The following PPARGC1A variants were observed in gnomAD, a reference collection of about 807,000 sequenced individuals.
PPARGC1A encodes PPARG coactivator 1 alpha.
Under a neutral mutation model 88.7 loss-of-function variants are expected in PPARGC1A, and 25 were observed. The observed-to-expected ratio is 0.28, with a 90% confidence interval of 0.21 to 0.39. The LOEUF (loss-of-function observed/expected upper bound fraction) is 0.39. PPARGC1A is among the 10% of genes least tolerant of loss of function. The pLI is 1.00. For missense variants in PPARGC1A, 880 were observed against 968.7 expected (o/e 0.91, Z 1.22); for synonymous variants, 363 against 355.6 (o/e 1.02, Z -0.24).
chr4:24,440,045 A>G, the PPARGC1A span, among the ~76,000 whole-genome samples: 1 of 152,234 alleles, frequency 6.6e-6, no homozygotes, highest in African/African-American at 2.4e-5. Flanking sequence ...CCCTATATTA[A>G]GCACAAAAAG....
At chr4:23,939,029 T>C in the PPARGC1A span, among the ~76,000 whole-genome samples, 5 of 152,192 alleles carry the variant, frequency 3.3e-5, no homozygotes, top group Non-Finnish European at 5.9e-5. Context: ...TGGTGATGAC[T>C]GCCCAGCCTG....
the PPARGC1A span, among the ~76,000 whole-genome samples, chr4:23,990,362 G>A: frequency 1.3e-5 from 2 of 151,720 alleles, 1 homozygote; most frequent in Non-Finnish European, 2.9e-5. Flanking sequence ...TGATACTTAT[G>A]TATTAGTGCA....
chr4:24,364,888 T>C, the PPARGC1A span, among the ~76,000 whole-genome samples: 3 of 152,164 alleles, frequency 2.0e-5, no homozygotes, highest in East Asian at 1.9e-4. Flanking sequence ...GGTTGAATTA[T>C]ATCACAGCAT....
chr4:24,329,558 AC>A, the PPARGC1A span, among the ~76,000 whole-genome samples: 3 of 151,778 alleles, frequency 2.0e-5, no homozygotes, highest in Non-Finnish European at 4.4e-5. Flanking sequence ...CTCTCTCTTT[AC>A]CTGGCAATCC....
the PPARGC1A span, among the ~76,000 whole-genome samples, chr4:24,323,882 C>T: frequency 6.6e-6 from 1 of 152,240 alleles, no homozygotes; most frequent in Non-Finnish European, 1.5e-5. Flanking sequence ...CCTCTTTTTA[C>T]TCTCTTCTCC....
At chr4:23,900,132 C>CT (rs1382989619), upstream of PPARGC1A, among the ~76,000 whole-genome samples, 3 of 152,112 alleles carry the variant, frequency 2.0e-5, no homozygotes, top group Non-Finnish European at 2.9e-5. Context: ...TTTGTCTGAC[C>CT]TTGCACAAAG....
intron 12 of PPARGC1A, among the ~76,000 whole-genome samples, chr4:23,800,585 T>C (rs1389619162): frequency 6.6e-6 from 1 of 150,812 alleles, no homozygotes; most frequent in Non-Finnish European, 1.5e-5. Flanking sequence ...AAAAGTAGAA[T>C]TTGGAAGTTT....
chr4:24,188,068 G>A, the PPARGC1A span, among the ~76,000 whole-genome samples: 1 of 152,158 alleles, frequency 6.6e-6, no homozygotes, highest in Admixed American at 6.5e-5. Context: ...TCCTCTATAT[G>A]GACTGTGTGC....
At chr4:24,462,253 A>ATT in the PPARGC1A span, among the ~76,000 whole-genome samples, 780 of 143,352 alleles carry the variant, frequency 5.4e-3, 12 homozygotes, top group Middle Eastern at 0.028. Flanking sequence ...ACCCGGCTAA[A>ATT]TTTTTTTTTT....
At chr4:23,850,630 A>C (rs1016170871) in intron 2 of PPARGC1A, among the ~76,000 whole-genome samples, 4 of 152,200 alleles carry the variant, frequency 2.6e-5, no homozygotes, top group African/African-American at 9.6e-5. Context: ...TCTAGGTTGA[A>C]AATTAAAGAG....
At chr4:24,077,134 C>T in the PPARGC1A span, among the ~76,000 whole-genome samples, 2 of 152,084 alleles carry the variant, frequency 1.3e-5, no homozygotes, top group African/African-American at 4.8e-5. Context: ...TGGCTTCTCT[C>T]CAGGCATTCT....
the PPARGC1A span, among the ~76,000 whole-genome samples, chr4:24,183,492 C>A: frequency 2.0e-4 from 30 of 152,130 alleles, no homozygotes; most frequent in African/African-American, 7.0e-4. Flanking sequence ...GGAAGAAAAT[C>A]AAAGTTAGGA....
At chr4:23,837,190 C>A (rs1726171988) in intron 2 of PPARGC1A, among the ~76,000 whole-genome samples, 1 of 152,078 alleles carries the variant, frequency 6.6e-6, no homozygotes, top group Non-Finnish European at 1.5e-5. Flanking sequence ...TTATTCAAAT[C>A]ATCAATAAGA....
the PPARGC1A span, among the ~76,000 whole-genome samples, chr4:24,111,934 C>A: frequency 6.6e-6 from 1 of 152,140 alleles, no homozygotes; most frequent in African/African-American, 2.4e-5. Flanking sequence ...TTACAACTAA[C>A]TGAAATGTCA....
At chr4:24,148,999 T>C in the PPARGC1A span, among the ~76,000 whole-genome samples, 1 of 152,194 alleles carries the variant, frequency 6.6e-6, no homozygotes, top group Non-Finnish European at 1.5e-5. Flanking sequence ...ATTCAAATCA[T>C]ACTGCATCCA....
At chr4:24,323,912 C>A in the PPARGC1A span, among the ~76,000 whole-genome samples, 9 of 152,226 alleles carry the variant, frequency 5.9e-5, no homozygotes, top group African/African-American at 2.2e-4. Flanking sequence ...CACTATCCCT[C>A]AACCTCTTTC....
the PPARGC1A span, among the ~76,000 whole-genome samples, chr4:23,927,624 T>C: frequency 9.8e-5 from 15 of 152,312 alleles, no homozygotes; most frequent in African/African-American, 3.4e-4. Context: ...GTGCTTTGTA[T>C]GTCTGACTTA....
chr4:23,913,464 C>T, the PPARGC1A span, among the ~76,000 whole-genome samples: 1 of 151,772 alleles, frequency 6.6e-6, no homozygotes, highest in Non-Finnish European at 1.5e-5. Context: ...AGTAAATGAG[C>T]TTATGGAATG....
chr4:24,245,314 G>T, the PPARGC1A span, among the ~76,000 whole-genome samples: 16 of 152,196 alleles, frequency 1.1e-4, no homozygotes, highest in African/African-American at 3.1e-4. Flanking sequence ...TCTTATTTTA[G>T]GCCTGGTCAG....
Sources: allele counts gnomAD v4.1 joint callset (sites outside exome capture counted in the v4.1 genomes callset), GRCh38; gene constraint gnomAD v4.1.1; transcripts MANE v1.5; gene names NCBI Gene and HGNC (gene_info 2026-07-23, HGNC 2026-07-21).